The following ZSCAN25 variants were observed in gnomAD, a reference collection of about 807,000 sequenced individuals.
ZSCAN25 encodes the protein zinc finger and SCAN domain containing 25.
A neutral mutation model predicts 38.7 loss-of-function variants in ZSCAN25; 27 were observed. That is an observed-to-expected ratio of 0.70 (90% confidence interval 0.51 to 0.96). The LOEUF (loss-of-function observed/expected upper bound fraction) is 0.96, where lower values mean the gene tolerates loss of function less well. Ranked by LOEUF, ZSCAN25 falls within the 40% of genes least tolerant of loss-of-function variation. The pLI is 0.00. For missense variants in ZSCAN25, 637 were observed against 705.9 expected (o/e 0.90, Z 1.11); for synonymous variants, 273 against 277.7 (o/e 0.98, Z 0.17).
chr7:99,619,494 A>G (rs1163343206), intron 3 of ZSCAN25, 67 bp from the exon 4 acceptor site: 1 of 1,250,184 alleles, frequency 8.0e-7, no homozygotes. Flanking sequence ...TCTCCAGTGG[A>G]ATATTCCTTG....
In ZSCAN25 at chr7:99,629,794, A is replaced by G. The variant is rs1323781784; in HGVS notation, c.1409A>G (p.Asn470Ser). The change falls in exon 8 of 8, where the codon AAT (asparagine) becomes AGT (serine). Residue 470 changes from asparagine to serine, a missense_variant. Coordinates refer to ENST00000394152, the MANE Select transcript of ZSCAN25 (RefSeq NM_145115.3). This position sits in a 1 kb window ranked among gnomAD's most constrained non-coding sequence, Gnocchi z 5.6. ...GAGTGTGGCAAGAGCTTCAGCAGGA[A>G]TGCCAATCTGGCGGTGCACCGGCGT... ...TCECGKSFSR[N>S]ANLAVHRRAH... The G allele has an allele frequency of 1.2e-6, 2 of 1,614,118 alleles. No individual in the cohort carries two copies. The highest frequency in any genetic ancestry group is 1.7e-6 in the Non-Finnish European group (2 of 1,180,046).
the ZSCAN25 span, among the ~76,000 whole-genome samples, chr7:99,728,549 C>A: frequency 6.6e-6 from 1 of 152,204 alleles, no homozygotes; most frequent in African/African-American, 2.4e-5. Context: ...CTTTGCATTT[C>A]CAGTTTTGCC....
At chr7:99,736,258 A>T in the ZSCAN25 span, among the ~76,000 whole-genome samples, 2 of 152,180 alleles carry the variant, frequency 1.3e-5, no homozygotes, top group African/African-American at 4.8e-5. Flanking sequence ...GGCCAGGTTG[A>T]CCCAAACCAC....
At chr7:99,736,530 T>C in the ZSCAN25 span, among the ~76,000 whole-genome samples, 1 of 152,114 alleles carries the variant, frequency 6.6e-6, no homozygotes, top group South Asian at 2.1e-4. Context: ...GTGTGAAAAT[T>C]ATATCAGCTC....
chr7:99,634,635 T>TA (rs925644467), downstream of ZSCAN25, among the ~76,000 whole-genome samples: 12 of 151,892 alleles, frequency 7.9e-5, no homozygotes, highest in African/African-American at 2.7e-4. Context: ...TAAAAATATA[T>TA]AAAAAAACAA....
the ZSCAN25 span, among the ~76,000 whole-genome samples, chr7:99,693,650 T>A: frequency 6.6e-6 from 1 of 152,194 alleles, no homozygotes; most frequent in African/African-American, 2.4e-5. Flanking sequence ...CTGCAGCATA[T>A]CAGGTGGATC....
the ZSCAN25 span, among the ~76,000 whole-genome samples, chr7:99,735,812 T>C: frequency 3.9e-5 from 6 of 152,228 alleles, no homozygotes; most frequent in Middle Eastern, 3.2e-3. Context: ...CTCACTCTCA[T>C]GGCTCTGGTC....
chr7:99,704,239 A>G, the ZSCAN25 span, among the ~76,000 whole-genome samples: 8 of 152,178 alleles, frequency 5.3e-5, no homozygotes, highest in Non-Finnish European at 7.3e-5. Flanking sequence ...ATGAAAACTA[A>G]TAATATAATA....
At position 99,621,245 on chromosome 7, in the gene ZSCAN25, T is replaced by C. The variant is rs746294475; in HGVS notation, c.388-128T>C. 21 of 827,418 alleles carry C rather than the reference T, an allele frequency of 2.5e-5. No individual in the cohort carries two copies. In the South Asian group the frequency reaches 4.0e-4, roughly 16 times the overall value. 51.3% of individuals were successfully genotyped at this position (827,418 alleles called of 1,614,324 possible). On this transcript the variant is annotated intron_variant, in intron 4 of 7. Transcript: ENST00000394152. ...ATGTCCTGGGGAAGAGCTCAGCTGA[T>C]TTTTCCTTCCTCTCCCCTGAAGCTG...
chr7:99,619,592 G>T lies in ZSCAN25; in HGVS notation c.-15G>T. 6.2e-7 allele frequency: 1 copy of T among 1,604,264 alleles called. No homozygotes were observed. Among genetic ancestry groups the T allele is most frequent in the Non-Finnish European group, 8.5e-7 (1 of 1,174,076 alleles). ...TGATGCAGTCATTCTCAGTCTCCTC[G>T]GAGGGAGTCTGAAGATGCTTAAAGA... On this transcript the variant is annotated 5_prime_UTR_variant, in exon 4 of 8. Coordinates refer to ENST00000394152, the MANE Select transcript of ZSCAN25 (RefSeq NM_145115.3).
chr7:99,708,349 T>C, the ZSCAN25 span, among the ~76,000 whole-genome samples: 1 of 152,204 alleles, frequency 6.6e-6, no homozygotes, highest in African/African-American at 2.4e-5. Flanking sequence ...ATGTTGGTCA[T>C]GAGGAAGGAG....
the ZSCAN25 span, among the ~76,000 whole-genome samples, chr7:99,669,012 T>C: frequency 1.3e-5 from 2 of 152,266 alleles, no homozygotes; most frequent in South Asian, 4.1e-4. Flanking sequence ...TAAACCTTGC[T>C]TTCTGTTCTA....
the ZSCAN25 span, chr7:99,660,568 A>T: frequency 6.2e-7 from 1 of 1,614,030 alleles, no homozygotes; most frequent in Middle Eastern, 1.6e-4. Context: ...TGGCCAGTTC[A>T]TATAAAGTGA....
chr7:99,696,662 G>A, the ZSCAN25 span, among the ~76,000 whole-genome samples: 7 of 152,210 alleles, frequency 4.6e-5, no homozygotes, highest in Admixed American at 4.6e-4. Context: ...CTCCTCTTGT[G>A]GAATCTAGCC....
intron 6 of ZSCAN25, among the ~76,000 whole-genome samples, chr7:99,623,130 C>G (rs1807141196): frequency 6.6e-6 from 1 of 152,176 alleles, no homozygotes; most frequent in African/African-American, 2.4e-5. Flanking sequence ...ACAACTGTTA[C>G]AGATAGAAAC....
the ZSCAN25 span, chr7:99,638,532 G>A: frequency 2.0e-6 from 3 of 1,509,972 alleles, no homozygotes; most frequent in South Asian, 1.1e-5. Context: ...TTGGGTCCCA[G>A]TGTAGTTATG....
the ZSCAN25 span, among the ~76,000 whole-genome samples, chr7:99,690,840 TGG>T: frequency 6.6e-6 from 1 of 152,208 alleles, no homozygotes; most frequent in Non-Finnish European, 1.5e-5. Flanking sequence ...TTTACACTGT[TGG>T]TGTGACTGTA....
At chr7:99,669,000 A>C in the ZSCAN25 span, among the ~76,000 whole-genome samples, 1 of 152,212 alleles carries the variant, frequency 6.6e-6, no homozygotes, top group Non-Finnish European at 1.5e-5. Flanking sequence ...TTATTTGATT[A>C]TTAAACCTTG....
chr7:99,638,650 A>G, the ZSCAN25 span: 1 of 1,581,568 alleles, frequency 6.3e-7, no homozygotes, highest in Non-Finnish European at 8.7e-7. Flanking sequence ...AATTGTGGTC[A>G]CCGACTGGCC....
Sources: allele counts gnomAD v4.1 joint callset (sites outside exome capture counted in the v4.1 genomes callset), GRCh38; gene constraint gnomAD v4.1.1; non-coding constraint Gnocchi (gnomAD v3.1); transcripts MANE v1.5; gene names NCBI Gene and HGNC (gene_info 2026-07-23, HGNC 2026-07-21).